The following LRRN1 variants were observed in gnomAD, a reference collection of about 807,000 sequenced individuals.
The protein encoded by LRRN1 is leucine-rich repeat neuronal protein 1.
LRRN1 carries 14 observed loss-of-function variants against 45.8 expected under a neutral mutation model. The ratio of observed to expected loss-of-function variants is 0.31; its 90% CI spans 0.20 to 0.48. The LOEUF (loss-of-function observed/expected upper bound fraction) is 0.48, where lower values mean the gene tolerates loss of function less well. Among genes scored for constraint, LRRN1 ranks in the 20% least tolerant of loss-of-function variants. The pLI is 0.99. For synonymous variants in LRRN1, 359 were observed against 330.1 expected (o/e 1.09, Z -0.95); for missense variants, 789 against 874.2 (o/e 0.90, Z 1.23).
chr3:3,824,709 G>A (rs1391618360), intron 1 of LRRN1, among the ~76,000 whole-genome samples: 1 of 152,212 alleles, frequency 6.6e-6, no homozygotes, highest in African/African-American at 2.4e-5. Context: ...CATTGATGGA[G>A]CACTAAAGAC....
rs2120608 is a variant in LRRN1, at chr3:3,846,186, G to C, written c.1545G>C (p.Lys515Asn). The change falls in exon 2 of 2, where the codon AAG becomes AAC. Residue 515 changes from lysine to asparagine, a missense_variant. Coordinates refer to ENST00000319331, the MANE Select transcript of LRRN1 (RefSeq NM_020873.7). The surrounding 1 kb of genome is among the most constrained non-coding windows in gnomAD (Gnocchi z 5.7). ...CAGACACTCGGGTGGCAACAATTAA[G>C]GTTAATGGGACCCTTCTGGATGGTA... ...QGADTRVATIKVNGTLLDGTQ... is the reference protein window; with the variant it reads ...QGADTRVATINVNGTLLDGTQ... The C allele has an allele frequency of 6.2e-7, 1 of 1,614,138 alleles. No homozygotes were observed. The highest frequency in any genetic ancestry group is 1.1e-5 in the South Asian group (1 of 91,074).
At chr3:3,838,562 C>T (rs34745764) in intron 1 of LRRN1, among the ~76,000 whole-genome samples, 72,205 of 151,972 alleles carry the variant, frequency 0.48, 20,022 homozygotes, top group Non-Finnish European at 0.64. Flanking sequence ...GGGACATAAT[C>T]GTATGGTGAT....
intron 1 of LRRN1, among the ~76,000 whole-genome samples, chr3:3,826,914 A>AC (rs1010037965): frequency 1.3e-4 from 20 of 151,820 alleles, no homozygotes; most frequent in African/African-American, 4.6e-4. Context: ...TCTCTCTTTG[A>AC]CCCCCCTGTA....
Position 3,849,269 on chromosome 3 carries a change from CA to C in LRRN1, c.*2478del, listed in dbSNP as rs1693841974. On this transcript the variant is annotated 3_prime_UTR_variant, in exon 2 of 2. Coordinates refer to ENST00000319331, the MANE Select transcript of LRRN1 (RefSeq NM_020873.7). ...TTCTCCATTCTGAAGATATAGCAAG[CA>C]CCGGGAAATCTAAGATTTTTCATCA... is the stretch of plus-strand genomic sequence containing the variant. 6.6e-6 allele frequency among the ~76,000 whole-genome samples: 1 copy of C among 152,168 alleles called. No homozygotes were observed. The highest frequency in any genetic ancestry group is 2.1e-4 in the South Asian group (1 of 4,830).
intron 1 of LRRN1, among the ~76,000 whole-genome samples, chr3:3,818,990 T>C (rs1305121068): frequency 6.8e-6 from 1 of 148,136 alleles, no homozygotes; most frequent in Non-Finnish European, 1.5e-5. Context: ...ATTAATTAAC[T>C]ACTTTACTTT....
chr3:3,845,501 T>C lies in LRRN1; in HGVS notation c.860T>C (p.Leu287Pro). Reference sequence around the variant, plus strand: ...CAAGAAGGGGACTTCAAAAATATGCTTCGGTTAAAAGAACTGGGAATCAAC... The same window carrying C: ...CAAGAAGGGGACTTCAAAAATATGCCTCGGTTAAAAGAACTGGGAATCAAC... ...KIQEGDFKNM[L>P]RLKELGINNM... Residue 287 changes from leucine to proline, a missense_variant, in exon 2 of 2, where the codon CTT becomes CCT. Coordinates refer to ENST00000319331, the MANE Select transcript of LRRN1 (RefSeq NM_020873.7). This position sits in a 1 kb window ranked among gnomAD's most constrained non-coding sequence, Gnocchi z 6.5. 1 of 1,614,090 alleles carries C rather than the reference T, an allele frequency of 6.2e-7. No individual in the cohort carries two copies. The highest frequency in any genetic ancestry group is 8.5e-7 in the Non-Finnish European group (1 of 1,180,008).
rs1693761808 is a variant in LRRN1, at chr3:3,845,816, T to C, written c.1175T>C (p.Met392Thr). The change falls in exon 2 of 2, where the codon ATG (methionine) becomes ACG (threonine). Residue 392 changes from methionine (M) to threonine (T), a missense_variant. Physicochemically the swap from Met to Thr is moderately conservative, Grantham distance 81 (BLOSUM62 -1). Transcript: ENST00000319331. This position sits in a 1 kb window ranked among gnomAD's most constrained non-coding sequence, Gnocchi z 6.5. ...INSNKTNIRF[M>T]EPLSMFCAMP... is the part of the protein sequence containing the mutation. ...TCCAACAAAACCAACATCCGCTTCA[T>C]GGAGCCCCTGTCCATGTTCTGTGCC... 1 of 1,614,060 alleles carries C rather than the reference T, an allele frequency of 6.2e-7. No homozygotes were observed. Among genetic ancestry groups the C allele is most frequent in the Non-Finnish European group, 8.5e-7 (1 of 1,180,036 alleles).
chr3:3,802,301 C>A (rs1208154958), intron 1 of LRRN1, among the ~76,000 whole-genome samples: 1 of 152,218 alleles, frequency 6.6e-6, no homozygotes, highest in Non-Finnish European at 1.5e-5. Flanking sequence ...GCACGTGAGG[C>A]AGGCGATTAT....
At chr3:3,843,564 A>C (rs1693690017) in intron 1 of LRRN1, among the ~76,000 whole-genome samples, 1 of 145,646 alleles carries the variant, frequency 6.9e-6, no homozygotes, top group Non-Finnish European at 1.5e-5. Context: ...CACCCTTCCC[A>C]CTGTACCCCC....
At chr3:3,829,317 G>C (rs140477698) in intron 1 of LRRN1, among the ~76,000 whole-genome samples, 33 of 152,124 alleles carry the variant, frequency 2.2e-4, no homozygotes, top group Non-Finnish European at 1.5e-4. Context: ...TCATGGAATC[G>C]TTGTTATGTC....
intron 1 of LRRN1, among the ~76,000 whole-genome samples, chr3:3,839,943 C>A (rs149322554): frequency 1.3e-5 from 2 of 152,160 alleles, no homozygotes; most frequent in East Asian, 1.9e-4. Context: ...AATTTTACTT[C>A]TTTTCCATTT....
intron 1 of LRRN1, among the ~76,000 whole-genome samples, chr3:3,810,526 A>G (rs1465554297): frequency 6.6e-6 from 1 of 152,172 alleles, no homozygotes; most frequent in Non-Finnish European, 1.5e-5. Flanking sequence ...TTTAACCACA[A>G]ATCTTTCTGG....
At chr3:3,828,874 T>C (rs1387068243) in intron 1 of LRRN1, among the ~76,000 whole-genome samples, 1 of 152,224 alleles carries the variant, frequency 6.6e-6, no homozygotes, top group Non-Finnish European at 1.5e-5. Flanking sequence ...TCTGCACTTG[T>C]TTCTGCAGCT....
chr3:3,825,159 C>G (rs1037629846), intron 1 of LRRN1, among the ~76,000 whole-genome samples: 7 of 152,124 alleles, frequency 4.6e-5, no homozygotes, highest in African/African-American at 1.7e-4. Flanking sequence ...TTTACATTTT[C>G]TGTTGTAATT....
intron 1 of LRRN1, among the ~76,000 whole-genome samples, chr3:3,802,251 CG>C (rs1260084464): frequency 6.6e-6 from 1 of 152,312 alleles, no homozygotes; most frequent in African/African-American, 2.4e-5. Flanking sequence ...CACCTCTTGG[CG>C]TTGTGCGACA....
rs533379578 is a variant in LRRN1 at position 3,814,787 on chromosome 3, C to T, written c.-279+14868C>T. Among the ~76,000 whole-genome samples, 86 of 152,230 alleles carry T rather than the reference C, an allele frequency of 5.6e-4. 3 individuals are homozygous for T. The Middle Eastern group carries it at 0.01, about 18-fold the overall frequency. ...ATGTGAAGACACAGAAAGAAGGCAC[C>T]ATCTTCAAAGCAGAAAGCAGTCCTC... On this transcript the variant is annotated intron_variant, in intron 1 of 1. Coordinates refer to ENST00000319331, the MANE Select transcript of LRRN1 (RefSeq NM_020873.7).
intron 1 of LRRN1, among the ~76,000 whole-genome samples, chr3:3,831,098 G>C (rs1693363320): frequency 6.6e-6 from 1 of 152,168 alleles, no homozygotes; most frequent in South Asian, 2.1e-4. Flanking sequence ...GCCAGGGCTT[G>C]TTGTAGAGCC....
chr3:3,815,557 G>C (rs1692970450), intron 1 of LRRN1, among the ~76,000 whole-genome samples: 1 of 152,104 alleles, frequency 6.6e-6, no homozygotes, highest in Admixed American at 6.6e-5. Flanking sequence ...TTTGAGACTT[G>C]AAAACGCTGA....
intron 1 of LRRN1, among the ~76,000 whole-genome samples, chr3:3,808,719 G>A (rs1692816298): frequency 1.3e-5 from 2 of 152,236 alleles, no homozygotes; most frequent in African/African-American, 2.4e-5. Context: ...ACTGGACTAC[G>A]TTAGCTCTCT....
Sources: gnomAD v4.1 joint callset for allele counts (sites outside exome capture counted in the v4.1 genomes callset) on GRCh38, gnomAD v4.1.1 for gene constraint, Gnocchi (gnomAD v3.1) non-coding constraint, MANE v1.5 for transcripts, NCBI Gene and HGNC (gene_info 2026-07-23, HGNC 2026-07-21) for gene names.